The following CXXC5 variants were observed in gnomAD, a reference collection of about 807,000 sequenced individuals.
The protein encoded by CXXC5 is CXXC finger protein 5, also known as CXXC-type zinc finger protein 5.
CXXC5 carries 2 observed loss-of-function variants against 17.6 expected under a neutral mutation model. The ratio of observed to expected loss-of-function variants is 0.11; its 90% CI spans 0.05 to 0.36. The LOEUF is 0.36. Ranked by LOEUF, CXXC5 falls within the 10% of genes least tolerant of loss-of-function variation. The pLI is 1.00. For synonymous variants in CXXC5, 171 were observed against 193.0 expected, an observed-to-expected ratio of 0.89 and a Z score of 0.94; for missense variants, 343 against 458.3, an observed-to-expected ratio of 0.75 and a Z score of 2.30.
At chr5:139,657,564 A>G (rs941878024) in intron 1 of CXXC5, among the ~76,000 whole-genome samples, 2 of 152,082 alleles carry the variant, frequency 1.3e-5, no homozygotes, top group African/African-American at 2.4e-5. Flanking sequence ...GCAGGTGGAG[A>G]CCTACTGGCC....
chr5:139,652,294 G>A (rs1267738431), intron 1 of CXXC5, among the ~76,000 whole-genome samples: 2 of 151,852 alleles, frequency 1.3e-5, no homozygotes, highest in Non-Finnish European at 2.9e-5. Flanking sequence ...AGCCTCCCCC[G>A]TTACTCACGC....
chr5:139,671,343 G>A (rs1353692966), intron 1 of CXXC5, among the ~76,000 whole-genome samples: 1 of 152,194 alleles, frequency 6.6e-6, no homozygotes, highest in Non-Finnish European at 1.5e-5. Flanking sequence ...TGGGGTGTGG[G>A]CAGACTCCAG....
At chr5:139,667,643 C>T (rs1756183147) in intron 1 of CXXC5, among the ~76,000 whole-genome samples, 1 of 152,100 alleles carries the variant, frequency 6.6e-6, no homozygotes, top group South Asian at 2.1e-4. Context: ...ACCCTCCTGG[C>T]ACTATTCCTG....
rs112500600 is a variant in CXXC5 at position 139,671,044 on chromosome 5, G to A, written c.-160-9320G>A. Among the ~76,000 whole-genome samples, 9 of 152,358 alleles carry A rather than the reference G, an allele frequency of 5.9e-5. 1 individual carries two copies. The highest frequency in any genetic ancestry group is 2.1e-4 in the South Asian group (1 of 4,830). ...AGGGGCTTTTGTCCCCCGAAATACT[G>A]GGAAGTGAGCTTGAGGCCTCAGCTT... On this transcript the variant is annotated intron_variant, in intron 1 of 2. Transcript: ENST00000302517.
chr5:139,653,169 T>TAA (rs2126741451), intron 1 of CXXC5, among the ~76,000 whole-genome samples: 1 of 152,338 alleles, frequency 6.6e-6, no homozygotes, highest in African/African-American at 2.4e-5. Context: ...AGCCTCCCCG[T>TAA]CTGCCTGCCT....
chr5:139,665,274 C>T (rs1177171697), intron 1 of CXXC5, among the ~76,000 whole-genome samples: 1 of 152,272 alleles, frequency 6.6e-6, no homozygotes, highest in African/African-American at 2.4e-5. Flanking sequence ...ACGCCGCAGC[C>T]GCGGCCTCCT....
intron 1 of CXXC5, among the ~76,000 whole-genome samples, chr5:139,656,184 C>T (rs548537006): frequency 6.6e-6 from 1 of 152,264 alleles, no homozygotes; most frequent in Non-Finnish European, 1.5e-5. Flanking sequence ...CAACCCCTAG[C>T]GGCCCCTACA....
chr5:139,668,883 C>T lies in CXXC5; in HGVS notation c.-160-11481C>T, dbSNP rs356455. ...ATGTAGAGTCCTTAGCCTCGGTTTCCCCGTTTGTAAACCATCAGCACCAGC... is the reference window on the plus strand; with the variant it reads ...ATGTAGAGTCCTTAGCCTCGGTTTCTCCGTTTGTAAACCATCAGCACCAGC... On this transcript the variant is annotated intron_variant, in intron 1 of 2. Coordinates refer to ENST00000302517, the MANE Select transcript of CXXC5 (RefSeq NM_016463.9). The surrounding 1 kb of genome is among the most constrained non-coding windows in gnomAD (Gnocchi z 4.1). Among the ~76,000 whole-genome samples the T allele has an allele frequency of 6.6e-6, 1 of 152,178 alleles. No homozygotes were observed. The highest frequency in any genetic ancestry group is 2.4e-5 in the African/African-American group (1 of 41,436).
chr5:139,666,221 A>G (rs1222014603), intron 1 of CXXC5, among the ~76,000 whole-genome samples: 1 of 152,062 alleles, frequency 6.6e-6, no homozygotes, highest in Non-Finnish European at 1.5e-5. Context: ...TCAGAATCCC[A>G]TGGGCGGCCT....
In CXXC5 at chr5:139,682,979, G is replaced by A; in HGVS notation, c.*72G>A. The A allele has an allele frequency of 7.2e-7, 1 of 1,395,592 alleles. No individual in the cohort carries two copies. Among genetic ancestry groups the A allele is most frequent in the East Asian group, 2.7e-5 (1 of 36,418 alleles). The allele number at this position is 1,395,592 out of a possible 1,614,324, so 86.5% of individuals were successfully genotyped here. ...GTGTGGTCTCCAGCAAGGGATTCGG[G>A]CGAAGACAAACGGATGCACCCGTCT... On this transcript the variant is annotated 3_prime_UTR_variant, in exon 3 of 3. Coordinates refer to ENST00000302517, the MANE Select transcript of CXXC5 (RefSeq NM_016463.9).
chr5:139,649,810 A>T (rs1486032178), intron 1 of CXXC5: 1 of 152,152 alleles, frequency 6.6e-6, no homozygotes, highest in Non-Finnish European at 1.5e-5. Context: ...AAATTTACCC[A>T]TGAAGTTCGG....
At chr5:139,671,420 G>C (rs548689497) in intron 1 of CXXC5, among the ~76,000 whole-genome samples, 1 of 152,342 alleles carries the variant, frequency 6.6e-6, no homozygotes, top group Admixed American at 6.5e-5. Flanking sequence ...GGACTGCTGT[G>C]ACTGCCCCCG....
At position 139,680,388 on chromosome 5, in the gene CXXC5, C is replaced by T. The variant is rs1417181039; in HGVS notation, c.-136C>T. ...GAGTGAAGACATTTCCACCTGGACA[C>T]CTGACCATGTGCCTGCCCTGAGCAG... On this transcript the variant is annotated 5_prime_UTR_variant, in exon 2 of 3. Coordinates refer to ENST00000302517, the MANE Select transcript of CXXC5 (RefSeq NM_016463.9). The T allele has an allele frequency of 2.7e-5, 35 of 1,292,148 alleles. No homozygotes were observed. Among genetic ancestry groups the T allele is most frequent in the Non-Finnish European group, 3.5e-5 (34 of 967,622 alleles). 80.0% of individuals were successfully genotyped at this position (1,292,148 alleles called of 1,614,324 possible).
chr5:139,676,993 C>T (rs944714233), intron 1 of CXXC5, among the ~76,000 whole-genome samples: 12 of 151,638 alleles, frequency 7.9e-5, no homozygotes, highest in South Asian at 2.1e-4. Flanking sequence ...CTCAGCCCCC[C>T]GTGCTCTGTC....
In CXXC5 at chr5:139,682,983, A is replaced by C; in HGVS notation, c.*76A>C. On this transcript the variant is annotated 3_prime_UTR_variant, in exon 3 of 3. Coordinates refer to ENST00000302517, the MANE Select transcript of CXXC5 (RefSeq NM_016463.9). ...GGTCTCCAGCAAGGGATTCGGGCGAAGACAAACGGATGCACCCGTCTTTAG... is the reference window on the plus strand; with the variant it reads ...GGTCTCCAGCAAGGGATTCGGGCGACGACAAACGGATGCACCCGTCTTTAG... 7.4e-7 allele frequency: 1 copy of C among 1,346,410 alleles called. No individual in the cohort carries two copies. Among genetic ancestry groups the C allele is most frequent in the Admixed American group, 2.6e-5 (1 of 39,146 alleles). The allele number at this position is 1,346,410 out of a possible 1,614,324, so 83.4% of individuals were successfully genotyped here.
Position 139,680,469 on chromosome 5 carries a change from AC to A in CXXC5, c.-52del. 1 of 1,508,756 alleles carries A rather than the reference AC, an allele frequency of 6.6e-7. No homozygotes were observed. Among genetic ancestry groups the A allele is most frequent in the Non-Finnish European group, 8.8e-7 (1 of 1,132,570 alleles). The allele number at this position is 1,508,756 out of a possible 1,614,324, so 93.5% of individuals were successfully genotyped here. A position where few individuals can be genotyped will look rare whatever the true frequency, so the allele number is the denominator to read the frequency against. On this transcript the variant is annotated 5_prime_UTR_variant, in exon 2 of 3. Coordinates refer to ENST00000302517, the MANE Select transcript of CXXC5 (RefSeq NM_016463.9). ...AGCAGGGCCAGGTCCTGGTCTGTGG[AC>A]CCTCGGCAGTTGGCAGGCTCCCTCT...
At chr5:139,660,174 C>A (rs947040165) in intron 1 of CXXC5, among the ~76,000 whole-genome samples, 2 of 152,178 alleles carry the variant, frequency 1.3e-5, no homozygotes, top group African/African-American at 2.4e-5. Flanking sequence ...GTGAGGGGAG[C>A]GGGATGATCC....
At position 139,652,516 on chromosome 5, in the gene CXXC5, CTGT is replaced by C. The variant is rs1383747396; in HGVS notation, c.-161+3676_-161+3678del. ...GAGATGAGGCTGTGTGGGCACTAGTCTGTTGTTCTGGGATGTGGGAATCTGGGT... is the reference window on the plus strand; with the variant it reads ...GAGATGAGGCTGTGTGGGCACTAGTCTGTTCTGGGATGTGGGAATCTGGGT... On this transcript the variant is annotated intron_variant, in intron 1 of 2. Transcript: ENST00000302517. Among the ~76,000 whole-genome samples, 12 of 152,248 alleles carry C rather than the reference CTGT, an allele frequency of 7.9e-5. No homozygotes were observed. In the East Asian group the frequency reaches 1.2e-3, roughly 15 times the overall value.
chr5:139,662,873 A>T (rs1755901669), intron 1 of CXXC5, among the ~76,000 whole-genome samples: 1 of 152,130 alleles, frequency 6.6e-6, no homozygotes, highest in Non-Finnish European at 1.5e-5. Flanking sequence ...TATGACTCTC[A>T]TCTCTGTCTC....
Sources: gnomAD v4.1 joint callset for allele counts (sites outside exome capture counted in the v4.1 genomes callset) on GRCh38, gnomAD v4.1.1 for gene constraint, Gnocchi (gnomAD v3.1) non-coding constraint, MANE v1.5 for transcripts, NCBI Gene and HGNC (gene_info 2026-07-23, HGNC 2026-07-21) for gene names.